RPS6KA2: variants seen among roughly 807,000 people sequenced by gnomAD.
The protein encoded by RPS6KA2 is ribosomal protein S6 kinase alpha-2.
A neutral mutation model predicts 91.8 loss-of-function variants in RPS6KA2; 42 were observed. The ratio of observed to expected loss-of-function variants is 0.46; its 90% confidence interval spans 0.36 to 0.59. The LOEUF (loss-of-function observed/expected upper bound fraction) is 0.59, where lower values mean the gene tolerates loss of function less well. Ranked by LOEUF, RPS6KA2 falls within the 20% of genes least tolerant of loss-of-function variation. RPS6KA2 has a pLI of 0.00. For missense variants in RPS6KA2, 798 were observed against 978.5 expected, an observed-to-expected ratio of 0.82 and a Z score of 2.46; for synonymous variants, 414 against 393.6, an observed-to-expected ratio of 1.05 and a Z score of -0.61.
chr6:166,454,896 AAT>A (rs1047259358), intron 12 of RPS6KA2, among the ~76,000 whole-genome samples: 4 of 150,320 alleles, frequency 2.7e-5, no homozygotes, highest in African/African-American at 7.3e-5. Context: ...ATTAAAATAG[AAT>A]ATATATTACA....
intron 2 of RPS6KA2, among the ~76,000 whole-genome samples, chr6:166,771,366 G>A (rs962578714): frequency 3.3e-5 from 5 of 152,142 alleles, no homozygotes; most frequent in East Asian, 1.9e-4. Context: ...TAATACGCTC[G>A]CATACACCTA....
Position 166,733,100 on chromosome 6 carries a change from C to T in RPS6KA2, c.123+125100G>A, listed in dbSNP as rs1014298263. 1.3e-5 allele frequency among the ~76,000 whole-genome samples: 2 copies of T among 152,104 alleles called. No individual in the cohort carries two copies. The highest frequency in any genetic ancestry group is 2.1e-4 in the South Asian group (1 of 4,820). ...GTGAGATGCTCTGCCCCCTGTGGAT[C>T]GAGCCTACCCTGTACTCAGGGCCAT... On this transcript the variant is annotated intron_variant, in intron 2 of 21. Coordinates refer to the RPS6KA2 transcript ENST00000503859. The surrounding 1 kb of genome is among the most constrained non-coding windows in gnomAD (Gnocchi z 4.1).
intron 11 of RPS6KA2, among the ~76,000 whole-genome samples, chr6:166,464,743 G>A (rs1392322390): frequency 6.6e-6 from 1 of 152,182 alleles, no homozygotes; most frequent in Admixed American, 6.5e-5. Flanking sequence ...GGACTCTGCC[G>A]TATCCTCTGC....
intron 7 of RPS6KA2, among the ~76,000 whole-genome samples, chr6:166,499,548 A>G (rs116987372): frequency 0.015 from 2,279 of 152,304 alleles, 29 homozygotes; most frequent in South Asian, 0.058. Context: ...GACAGTGAAT[A>G]AGACTCACGA....
intron 2 of RPS6KA2, among the ~76,000 whole-genome samples, chr6:166,796,137 G>A (rs961462175): frequency 7.2e-5 from 11 of 152,138 alleles, no homozygotes; most frequent in Admixed American, 3.3e-4. Flanking sequence ...TTCCCTCCTC[G>A]GGGAGACTTC....
At chr6:166,546,358 A>G (rs1783827803) in intron 1 of RPS6KA2, among the ~76,000 whole-genome samples, 1 of 152,162 alleles carries the variant, frequency 6.6e-6, no homozygotes, top group Admixed American at 6.5e-5. Context: ...ATACATCTGT[A>G]TTATTTAGCA....
chr6:166,759,299 T>G (rs983967392), intron 2 of RPS6KA2, among the ~76,000 whole-genome samples: 1 of 152,110 alleles, frequency 6.6e-6, no homozygotes, highest in Non-Finnish European at 1.5e-5. Context: ...TATATACACA[T>G]TTTTTTCTAT....
intron 11 of RPS6KA2, chr6:166,463,368 TCC>T (rs1159802148): frequency 6.6e-6 from 1 of 151,994 alleles, no homozygotes; most frequent in Non-Finnish European, 1.5e-5. Context: ...CTGCCCTGGA[TCC>T]CCCCTTTCTG....
chr6:166,780,351 C>G (rs1778737274), intron 2 of RPS6KA2, among the ~76,000 whole-genome samples: 1 of 152,170 alleles, frequency 6.6e-6, no homozygotes, highest in South Asian at 2.1e-4. Flanking sequence ...ACAATGGCCA[C>G]CTGGCCATGG....
intron 2 of RPS6KA2, among the ~76,000 whole-genome samples, chr6:166,769,236 A>T (rs1463983060): frequency 6.6e-6 from 1 of 152,188 alleles, no homozygotes; most frequent in African/African-American, 2.4e-5. Context: ...CTAGGTGTGG[A>T]TTGGGATGAT....
chr6:166,569,525 C>A (rs913405916), intron 1 of RPS6KA2, among the ~76,000 whole-genome samples: 1 of 151,554 alleles, frequency 6.6e-6, no homozygotes, highest in African/African-American at 2.4e-5. Flanking sequence ...CTGCTGGGGC[C>A]GCCCTGGAAA....
At chr6:166,678,882 T>C (rs561408230) in intron 2 of RPS6KA2, among the ~76,000 whole-genome samples, 1 of 152,350 alleles carries the variant, frequency 6.6e-6, no homozygotes, top group African/African-American at 2.4e-5. Context: ...ATTTCTAAAA[T>C]TTGGCAAAAG....
At chr6:166,549,595 T>A (rs118125669) in intron 1 of RPS6KA2, among the ~76,000 whole-genome samples, 14 of 152,250 alleles carry the variant, frequency 9.2e-5, no homozygotes, top group Non-Finnish European at 1.9e-4. Flanking sequence ...TTTTTTGAAA[T>A]GCAAAATTAT....
At chr6:166,568,811 G>T (rs1370664640) in intron 1 of RPS6KA2, among the ~76,000 whole-genome samples, 3 of 152,294 alleles carry the variant, frequency 2.0e-5, no homozygotes, top group Non-Finnish European at 2.9e-5. Flanking sequence ...ATCTCTGAAT[G>T]TATGTGGCAT....
At position 166,720,501 on chromosome 6, in the gene RPS6KA2, C is replaced by T. The variant is rs150308100; in HGVS notation, c.123+137699G>A. Among the ~76,000 whole-genome samples the T allele has an allele frequency of 9.8e-3, 1,491 of 152,216 alleles. 10 individuals carry two copies. The highest frequency in any genetic ancestry group is 0.035 in the East Asian group (182 of 5,190). On this transcript the variant is annotated intron_variant, in intron 2 of 21. Transcript: ENST00000503859. Reference sequence around the variant, plus strand: ...ATCCAAGGCTCTCTGACTGCAGAAACGGAGCTGTCAGTCACCACCTAGAAA... The same window carrying T: ...ATCCAAGGCTCTCTGACTGCAGAAATGGAGCTGTCAGTCACCACCTAGAAA...
chr6:166,686,276 G>A lies in RPS6KA2; in HGVS notation c.124-147492C>T, dbSNP rs140936850. Among the ~76,000 whole-genome samples, 99 of 152,254 alleles carry A rather than the reference G, an allele frequency of 6.5e-4. 1 individual carries two copies. Among genetic ancestry groups the A allele is most frequent in the Middle Eastern group, 6.8e-3 (2 of 294 alleles). On this transcript the variant is annotated intron_variant, in intron 2 of 21. Transcript: ENST00000503859. Reference sequence around the variant, plus strand: ...GATTTGTCACTGGGAACAAGGATGTGTGGAGACCGTGCAAAGCAACCCGAC... The same window carrying A: ...GATTTGTCACTGGGAACAAGGATGTATGGAGACCGTGCAAAGCAACCCGAC...
At chr6:166,615,460 T>A (rs1489746885) in intron 1 of RPS6KA2, among the ~76,000 whole-genome samples, 1 of 152,166 alleles carries the variant, frequency 6.6e-6, no homozygotes, top group Non-Finnish European at 1.5e-5. Flanking sequence ...TCGGAGGGGA[T>A]GCCTTTTTCT....
intron 2 of RPS6KA2, among the ~76,000 whole-genome samples, chr6:166,672,079 G>T (rs1461668361): frequency 6.6e-6 from 1 of 152,180 alleles, no homozygotes; most frequent in Non-Finnish European, 1.5e-5. Flanking sequence ...GTTGCTGCTG[G>T]ATTAGAGGTT....
intron 2 of RPS6KA2, chr6:166,702,132 G>A: frequency 1.9e-6 from 3 of 1,553,476 alleles, no homozygotes; most frequent in African/African-American, 1.4e-5. Flanking sequence ...TTTTCTTTAC[G>A]GTGGACATCG....
Sources: gnomAD v4.1 joint callset for allele counts (sites outside exome capture counted in the v4.1 genomes callset) on GRCh38, gnomAD v4.1.1 for gene constraint, Gnocchi (gnomAD v3.1) non-coding constraint, MANE v1.5 for transcripts, NCBI Gene and HGNC (gene_info 2026-07-23, HGNC 2026-07-21) for gene names.